RBFOX1: variants seen among roughly 807,000 people sequenced by gnomAD.
The protein encoded by RBFOX1 is RNA binding protein fox-1 homolog 1.
In RBFOX1, 8 loss-of-function variants were observed where a neutral mutation model predicts 57.7. The observed-to-expected ratio is 0.14, with a 90% CI of 0.08 to 0.25. The LOEUF is 0.25. Among genes scored for constraint, RBFOX1 ranks in the 10% least tolerant of loss-of-function variants. The probability of loss-of-function intolerance (pLI) is 1.00; values close to 1 mark genes in which losing one functional copy is unlikely to be tolerated. For synonymous variants in RBFOX1, 326 were observed against 222.4 expected (o/e 1.47, Z -4.15); for missense variants, 611 against 548.5 (o/e 1.11, Z -1.14).
At chr16:7,115,031 C>T (rs931749604) in intron 4 of RBFOX1, among the ~76,000 whole-genome samples, 2 of 152,194 alleles carry the variant, frequency 1.3e-5, no homozygotes, top group African/African-American at 2.4e-5. Context: ...AGGAATGCTT[C>T]TTCACCTTCT....
chr16:5,301,545 G>A (rs966049432), intron 1 of RBFOX1, among the ~76,000 whole-genome samples: 2 of 150,820 alleles, frequency 1.3e-5, no homozygotes, highest in Non-Finnish European at 2.9e-5. Context: ...CGTGAACCCA[G>A]GAGGCAGAGC....
chr16:6,876,942 C>G (rs12926219), intron 3 of RBFOX1, among the ~76,000 whole-genome samples: 38,367 of 151,842 alleles, frequency 0.25, 5,057 homozygotes, highest in African/African-American at 0.32. Flanking sequence ...TCAAGTTTCT[C>G]AGTATTTATG....
chr16:7,094,526 A>G (rs2061371596), intron 4 of RBFOX1, among the ~76,000 whole-genome samples: 1 of 152,156 alleles, frequency 6.6e-6, no homozygotes, highest in African/African-American at 2.4e-5. Flanking sequence ...TTCCTATGTC[A>G]TCTTCTCCTG....
intron 1 of RBFOX1, among the ~76,000 whole-genome samples, chr16:6,060,373 AACACTTACAGCAATGCCTAGC>A (rs970747903): frequency 6.6e-6 from 1 of 152,030 alleles, no homozygotes; most frequent in African/African-American, 2.4e-5. Flanking sequence ...ATAGATATAA[AACACTTACAGCAATGCCTAGC>A]ACACAGTAAA....
chr16:5,490,389 C>A (rs796492507), intron 2 of RBFOX1, among the ~76,000 whole-genome samples: 1 of 152,224 alleles, frequency 6.6e-6, no homozygotes, highest in Admixed American at 6.5e-5. Context: ...GCACCTGGAA[C>A]CAGGACTTGA....
chr16:6,187,937 C>G (rs1467835942), intron 1 of RBFOX1, among the ~76,000 whole-genome samples: 2 of 152,168 alleles, frequency 1.3e-5, no homozygotes, highest in African/African-American at 4.8e-5. Flanking sequence ...TATGTGTGCA[C>G]ATGAATGTGT....
At chr16:6,154,826 T>C (rs1011631969) in intron 1 of RBFOX1, among the ~76,000 whole-genome samples, 3 of 152,226 alleles carry the variant, frequency 2.0e-5, no homozygotes, top group Non-Finnish European at 4.4e-5. Context: ...AATAGCCTGT[T>C]CATTTGAATA....
intron 2 of RBFOX1, among the ~76,000 whole-genome samples, chr16:6,622,852 G>A (rs2098252515): frequency 6.6e-6 from 1 of 152,166 alleles, no homozygotes; most frequent in African/African-American, 2.4e-5. Context: ...GTGAAATTTA[G>A]TTTTTGTTGT....
intron 3 of RBFOX1, among the ~76,000 whole-genome samples, chr16:6,843,151 G>T (rs980864241): frequency 6.6e-6 from 1 of 152,086 alleles, no homozygotes; most frequent in African/African-American, 2.4e-5. Flanking sequence ...CACATTTTAA[G>T]CATATGATTC....
At chr16:5,556,668 G>T (rs1025488434) in intron 2 of RBFOX1, among the ~76,000 whole-genome samples, 1 of 152,240 alleles carries the variant, frequency 6.6e-6, no homozygotes, top group East Asian at 1.9e-4. Context: ...TCTCACCCTC[G>T]GGCACCTTCC....
intron 4 of RBFOX1, among the ~76,000 whole-genome samples, chr16:5,944,673 G>A (rs113644229): frequency 1.3e-5 from 2 of 151,086 alleles, no homozygotes; most frequent in Admixed American, 1.3e-4. Flanking sequence ...AGCTATTCTC[G>A]GCCAGGTGTG....
intron 3 of RBFOX1, among the ~76,000 whole-genome samples, chr16:7,043,955 C>G (rs372639032): frequency 6.6e-6 from 1 of 151,968 alleles, no homozygotes. Context: ...ACACTAATAC[C>G]TTTTTCAATT....
In RBFOX1 at chr16:6,637,793, C is replaced by A. The variant is rs1020380660; in HGVS notation, c.-63-16810C>A. On this transcript the variant is annotated intron_variant, in intron 2 of 15. Transcript: ENST00000550418. ...AAGTTGGCGTTATTTAGCAGGAGGG[C>A]AGGATATTCCATGGTCTCCAAATCT... 6.6e-5 allele frequency among the ~76,000 whole-genome samples: 10 copies of A among 151,908 alleles called. No individual in the cohort carries two copies. In the South Asian group the frequency reaches 1.2e-3, roughly 19 times the overall value.
chr16:6,975,578 T>C (rs1465606059), intron 3 of RBFOX1, among the ~76,000 whole-genome samples: 2 of 152,104 alleles, frequency 1.3e-5, no homozygotes, highest in Non-Finnish European at 2.9e-5. Context: ...CAAGTGCCCA[T>C]ATGTTGATAG....
intron 3 of RBFOX1, among the ~76,000 whole-genome samples, chr16:6,809,274 A>G (rs931348835): frequency 1.3e-5 from 2 of 152,206 alleles, no homozygotes; most frequent in African/African-American, 2.4e-5. Flanking sequence ...TCATTGCTCA[A>G]TTAAACTTCT....
intron 3 of RBFOX1, among the ~76,000 whole-genome samples, chr16:5,714,004 G>C (rs1194685821): frequency 2.0e-5 from 3 of 152,112 alleles, no homozygotes; most frequent in Non-Finnish European, 4.4e-5. Flanking sequence ...TCACTCACAG[G>C]GCTTGTTACC....
intron 1 of RBFOX1, among the ~76,000 whole-genome samples, chr16:5,377,418 A>G (rs1412074535): frequency 1.3e-5 from 2 of 151,302 alleles, no homozygotes; most frequent in Non-Finnish European, 2.9e-5. Flanking sequence ...CACAAAGGGA[A>G]AAGTGTTTGA....
At chr16:7,460,370 A>AAAATATAT (rs1251870828) in intron 4 of RBFOX1, among the ~76,000 whole-genome samples, 2 of 76,034 alleles carry the variant, frequency 2.6e-5, no homozygotes, top group Non-Finnish European at 4.6e-5. Flanking sequence ...CATTTAGCAA[A>AAAATATAT]ATATATATAT....
At chr16:6,884,673 G>A (rs1019035507) in intron 3 of RBFOX1, among the ~76,000 whole-genome samples, 1 of 152,116 alleles carries the variant, frequency 6.6e-6, no homozygotes, top group Non-Finnish European at 1.5e-5. Context: ...CTGAGGTGGT[G>A]GATCACTTGA....
Sources: allele counts gnomAD v4.1 joint callset (sites outside exome capture counted in the v4.1 genomes callset), GRCh38; gene constraint gnomAD v4.1.1; transcripts MANE v1.5; gene names NCBI Gene and HGNC (gene_info 2026-07-23, HGNC 2026-07-21).